CNTNAP2: variants seen among roughly 807,000 people sequenced by gnomAD.
The protein encoded by CNTNAP2 is contactin-associated protein-like 2.
Under a neutral mutation model 155.2 loss-of-function variants are expected in CNTNAP2, and 98 were observed. That is an observed-to-expected ratio of 0.63 (90% confidence interval 0.54 to 0.75). The LOEUF is 0.75. Ranked by LOEUF, CNTNAP2 falls within the 30% of genes least tolerant of loss-of-function variation. The probability of loss-of-function intolerance (pLI) is 0.00; values close to 1 mark genes in which losing one functional copy is unlikely to be tolerated. For missense variants in CNTNAP2, 1,727 were observed against 1,688.1 expected (o/e 1.02, Z -0.40); for synonymous variants, 651 against 631.2 (o/e 1.03, Z -0.47).
intron 2 of CNTNAP2, among the ~76,000 whole-genome samples, chr7:146,819,072 A>G (rs899181400): frequency 1.5e-4 from 23 of 152,116 alleles, no homozygotes; most frequent in Admixed American, 7.2e-4. Context: ...CTTTTTAAAA[A>G]TAATTTGAAA....
chr7:147,375,833 CT>C (rs1796424305), intron 9 of CNTNAP2, among the ~76,000 whole-genome samples: 1 of 152,010 alleles, frequency 6.6e-6, no homozygotes, highest in Admixed American at 6.6e-5. Flanking sequence ...AATCAGTTCA[CT>C]CTTACTTTGG....
chr7:146,684,893 C>G (rs1188599098), intron 1 of CNTNAP2, among the ~76,000 whole-genome samples: 1 of 152,004 alleles, frequency 6.6e-6, no homozygotes, highest in Non-Finnish European at 1.5e-5. Flanking sequence ...AGCTGTAAGC[C>G]ATGGATTTGG....
chr7:147,361,328 C>T (rs537624667), intron 9 of CNTNAP2, among the ~76,000 whole-genome samples: 1 of 152,290 alleles, frequency 6.6e-6, no homozygotes, highest in Admixed American at 6.5e-5. Context: ...GCTATATGAA[C>T]ACTAATAATA....
At chr7:148,391,544 T>C (rs1472557200) in intron 22 of CNTNAP2, among the ~76,000 whole-genome samples, 2 of 152,210 alleles carry the variant, frequency 1.3e-5, no homozygotes, top group Non-Finnish European at 2.9e-5. Flanking sequence ...TTCTAAACCA[T>C]TATATGGTCC....
At chr7:147,859,954 A>T (rs2116683517) in intron 13 of CNTNAP2, among the ~76,000 whole-genome samples, 1 of 152,312 alleles carries the variant, frequency 6.6e-6, no homozygotes, top group East Asian at 1.9e-4. Context: ...GCAATAAAAA[A>T]GGTGGCTTTA....
At chr7:147,626,803 T>C (rs1794986488) in intron 12 of CNTNAP2, among the ~76,000 whole-genome samples, 1 of 152,196 alleles carries the variant, frequency 6.6e-6, no homozygotes, top group African/African-American at 2.4e-5. Flanking sequence ...AGATACTGGC[T>C]AACCAGAGTT....
chr7:147,566,074 A>G lies in CNTNAP2; in HGVS notation c.1897+3817A>G, dbSNP rs1479118136. 2.0e-5 allele frequency among the ~76,000 whole-genome samples: 3 copies of G among 148,854 alleles called. No individual in the cohort carries two copies. The East Asian group carries it at 6.1e-4, about 30-fold the overall frequency. On this transcript the variant is annotated intron_variant, in intron 12 of 23. Transcript: ENST00000361727. ...GACAGGTGGATCGCTTGAGCCCAGG[A>G]GTTCAAGACCAGCCTTGGCAACATG...
intron 1 of CNTNAP2, among the ~76,000 whole-genome samples, chr7:146,493,014 T>C (rs2129131581): frequency 6.6e-6 from 1 of 152,328 alleles, no homozygotes; most frequent in African/African-American, 2.4e-5. Context: ...CTAAGCGCAA[T>C]TTAAGGATAA....
chr7:147,247,240 G>A (rs1204080575), intron 8 of CNTNAP2, among the ~76,000 whole-genome samples: 4 of 152,132 alleles, frequency 2.6e-5, no homozygotes, highest in African/African-American at 9.7e-5. Flanking sequence ...ATACAAATGA[G>A]TAAAATTGCT....
At chr7:148,403,300 A>G (rs561233693) in intron 22 of CNTNAP2, among the ~76,000 whole-genome samples, 79 of 152,010 alleles carry the variant, frequency 5.2e-4, no homozygotes, top group African/African-American at 1.9e-3. Context: ...ACGGATGACT[A>G]CACACAAGGG....
intron 12 of CNTNAP2, among the ~76,000 whole-genome samples, chr7:147,638,544 C>T (rs1483733148): frequency 6.6e-6 from 1 of 152,176 alleles, no homozygotes; most frequent in African/African-American, 2.4e-5. Flanking sequence ...GATAATTAGT[C>T]ACTTGCTTTA....
chr7:147,280,724 A>C (rs1185869710), intron 8 of CNTNAP2, among the ~76,000 whole-genome samples: 1 of 151,964 alleles, frequency 6.6e-6, no homozygotes, highest in African/African-American at 2.4e-5. Context: ...TTTATGCTTT[A>C]ACATAGAAAT....
intron 13 of CNTNAP2, among the ~76,000 whole-genome samples, chr7:147,852,417 T>G (rs868809587): frequency 4.6e-5 from 7 of 152,182 alleles, no homozygotes; most frequent in African/African-American, 1.4e-4. Flanking sequence ...CTTAGCAACA[T>G]GATTAGATGA....
intron 8 of CNTNAP2, among the ~76,000 whole-genome samples, chr7:147,237,792 G>C (rs563302429): frequency 6.6e-6 from 1 of 152,198 alleles, no homozygotes; most frequent in Non-Finnish European, 1.5e-5. Flanking sequence ...TACTAAAGCA[G>C]AAGTATTATG....
Position 148,409,486 on chromosome 7 carries a change from G to C in CNTNAP2, c.3796+15G>C. On this transcript the variant is annotated intron_variant, in intron 23 of 23. Coordinates refer to ENST00000361727, the MANE Select transcript of CNTNAP2 (RefSeq NM_014141.6). Reference sequence around the variant, plus strand: ...TATCATTGGAGGTAGGTGATGTCTAGAGGAGGCTTATATGGGGCTACTCAA... The same window carrying C: ...TATCATTGGAGGTAGGTGATGTCTACAGGAGGCTTATATGGGGCTACTCAA... The C allele has an allele frequency of 6.2e-7, 1 of 1,609,852 alleles. No individual in the cohort carries two copies. Among genetic ancestry groups the C allele is most frequent in the Non-Finnish European group, 8.5e-7 (1 of 1,176,154 alleles).
chr7:147,568,235 A>T (rs60305192), intron 12 of CNTNAP2, among the ~76,000 whole-genome samples: 4,867 of 152,264 alleles, frequency 0.032, 270 homozygotes, highest in African/African-American at 0.11. Context: ...ACATGAAAAA[A>T]ATCACTGCTT....
intron 13 of CNTNAP2, among the ~76,000 whole-genome samples, chr7:147,785,044 G>A (rs527824193): frequency 6.6e-6 from 1 of 152,132 alleles, no homozygotes; most frequent in African/African-American, 2.4e-5. Flanking sequence ...TAACACTGGA[G>A]TTGGATGTGG....
chr7:147,241,491 G>T (rs1803936845), intron 8 of CNTNAP2, among the ~76,000 whole-genome samples: 1 of 152,014 alleles, frequency 6.6e-6, no homozygotes, highest in African/African-American at 2.4e-5. Flanking sequence ...ACCTGGGCGT[G>T]GTTGCATGCG....
At chr7:148,010,449 T>C (rs1456760750) in intron 15 of CNTNAP2, among the ~76,000 whole-genome samples, 4 of 151,910 alleles carry the variant, frequency 2.6e-5, no homozygotes, top group Non-Finnish European at 4.4e-5. Context: ...CTTCATGCCT[T>C]TTTTCTTTTA....
Sources: gnomAD v4.1 joint callset for allele counts (sites outside exome capture counted in the v4.1 genomes callset) on GRCh38, gnomAD v4.1.1 for gene constraint, MANE v1.5 for transcripts, NCBI Gene and HGNC (gene_info 2026-07-23, HGNC 2026-07-21) for gene names.